AP1S3: variants seen among roughly 807,000 people sequenced by gnomAD.
AP1S3 encodes the protein AP-1 complex subunit sigma-3.
AP1S3 carries 10 observed loss-of-function variants against 20.9 expected under a neutral mutation model. The ratio of observed to expected loss-of-function variants is 0.48; its 90% CI spans 0.29 to 0.81. The LOEUF (loss-of-function observed/expected upper bound fraction) is 0.81. Among genes scored for constraint, AP1S3 ranks in the 30% least tolerant of loss-of-function variants. The probability of loss-of-function intolerance (pLI) is 0.08; values close to 1 mark genes in which losing one functional copy is unlikely to be tolerated. For missense variants in AP1S3, 154 were observed against 183.8 expected (o/e 0.84, Z 0.94); for synonymous variants, 41 against 61.5 (o/e 0.67, Z 1.56).
intron 1 of AP1S3, among the ~76,000 whole-genome samples, chr2:223,826,503 G>A (rs1215904399): frequency 6.6e-6 from 1 of 152,132 alleles, no homozygotes; most frequent in Non-Finnish European, 1.5e-5. Flanking sequence ...TGAGGCATGA[G>A]AATCGCTTGA....
At chr2:223,767,818 A>G (rs996129736) in intron 3 of AP1S3, among the ~76,000 whole-genome samples, 6 of 152,104 alleles carry the variant, frequency 3.9e-5, no homozygotes, top group Admixed American at 3.3e-4. Flanking sequence ...AATTCATTCT[A>G]GAGTTCAACC....
At chr2:223,783,506 C>T (rs1026342790) in intron 1 of AP1S3, among the ~76,000 whole-genome samples, 3 of 152,204 alleles carry the variant, frequency 2.0e-5, no homozygotes, top group Non-Finnish European at 2.9e-5. Context: ...CTTCTATGGG[C>T]GTTTTCTAAT....
At chr2:223,826,642 A>AAT (rs1692135743) in intron 1 of AP1S3, among the ~76,000 whole-genome samples, 2 of 152,034 alleles carry the variant, frequency 1.3e-5, no homozygotes, top group South Asian at 4.2e-4. Context: ...TTCATATTTC[A>AAT]TAGAGATGCT....
intron 1 of AP1S3, among the ~76,000 whole-genome samples, chr2:223,812,349 G>A (rs1013604937): frequency 1.5e-4 from 23 of 152,178 alleles, no homozygotes; most frequent in African/African-American, 5.3e-4. Flanking sequence ...AGCCTCCCGA[G>A]TAGCTGGGAT....
chr2:223,816,340 GA>G (rs72262557), intron 1 of AP1S3, among the ~76,000 whole-genome samples: 27,678 of 147,824 alleles, frequency 0.19, 3,238 homozygotes, highest in East Asian at 0.42. Context: ...CCATGCTTCT[GA>G]AAAAAAAAAA....
chr2:223,802,999 A>T (rs1271659938), intron 1 of AP1S3, among the ~76,000 whole-genome samples: 3 of 152,234 alleles, frequency 2.0e-5, no homozygotes, highest in African/African-American at 7.2e-5. Context: ...ATTTCTAGCA[A>T]TGAAAATTTC....
At chr2:223,769,846 G>A (rs1330028973) in intron 3 of AP1S3, among the ~76,000 whole-genome samples, 1 of 138,846 alleles carries the variant, frequency 7.2e-6, no homozygotes, top group African/African-American at 2.7e-5. Context: ...CGGGGTTCAC[G>A]CCATTCTCCT....
intron 4 of AP1S3, among the ~76,000 whole-genome samples, chr2:223,763,229 C>T (rs889162410): frequency 6.6e-6 from 1 of 152,180 alleles, no homozygotes; most frequent in African/African-American, 2.4e-5. Context: ...CCATCAAGCC[C>T]CTCCACTCAT....
At chr2:223,807,932 G>A (rs1384406866) in intron 1 of AP1S3, among the ~76,000 whole-genome samples, 1 of 130,998 alleles carries the variant, frequency 7.6e-6, no homozygotes, top group Non-Finnish European at 1.6e-5. Flanking sequence ...CAGTGACAGA[G>A]GTGTGATCAT....
chr2:223,757,860 T>A lies in AP1S3; in HGVS notation c.*855A>T. The A allele has an allele frequency of 1.0e-6, 1 of 985,186 alleles. No individual in the cohort carries two copies. Among genetic ancestry groups the A allele is most frequent in the Non-Finnish European group, 1.2e-6 (1 of 829,718 alleles). The allele number at this position is 985,186 out of a possible 1,614,324, so 61.0% of individuals were successfully genotyped here. A position where few individuals can be genotyped will look rare whatever the true frequency, so the allele number is the denominator to read the frequency against. Reference sequence around the variant, plus strand: ...CATATTTGAAATGAAATTTCCAGCATCTAAGAGTGCTTGGAACGTGAATTT... The same window carrying A: ...CATATTTGAAATGAAATTTCCAGCAACTAAGAGTGCTTGGAACGTGAATTT... On this transcript the variant is annotated 3_prime_UTR_variant, in exon 5 of 5. Coordinates refer to ENST00000396654, the MANE Select transcript of AP1S3 (RefSeq NM_001039569.2).
chr2:223,787,099 T>C (rs941396648), intron 1 of AP1S3, among the ~76,000 whole-genome samples: 1 of 152,122 alleles, frequency 6.6e-6, no homozygotes, highest in African/African-American at 2.4e-5. Context: ...TGAGTTATTG[T>C]GAGATCTGGT....
intron 1 of AP1S3, among the ~76,000 whole-genome samples, chr2:223,788,469 T>C (rs187642540): frequency 1.8e-4 from 27 of 150,824 alleles, no homozygotes; most frequent in African/African-American, 5.3e-4. Context: ...AAAAATTAGC[T>C]GGGGCTGGGC....
At chr2:223,830,648 TCTC>T (rs1044944721) in intron 1 of AP1S3, among the ~76,000 whole-genome samples, 1 of 152,090 alleles carries the variant, frequency 6.6e-6, no homozygotes, top group African/African-American at 2.4e-5. Context: ...TGGAAGGAAG[TCTC>T]CTGTAGCATT....
intron 4 of AP1S3, among the ~76,000 whole-genome samples, chr2:223,759,217 T>C (rs189290137): frequency 3.8e-4 from 57 of 151,376 alleles, no homozygotes; most frequent in African/African-American, 1.3e-3. Context: ...AGGCGGAGGT[T>C]GAAGTGAGCC....
chr2:223,814,855 C>A (rs1035025311), intron 1 of AP1S3, among the ~76,000 whole-genome samples: 3 of 152,322 alleles, frequency 2.0e-5, no homozygotes, highest in African/African-American at 7.2e-5. Context: ...CAGCTCACTG[C>A]AGCCTCAACC....
At chr2:223,822,291 C>G (rs1048248303) in intron 1 of AP1S3, among the ~76,000 whole-genome samples, 1 of 152,004 alleles carries the variant, frequency 6.6e-6, no homozygotes, top group Non-Finnish European at 1.5e-5. Flanking sequence ...ACTCGGGAGG[C>G]TGAGACAAGA....
intron 3 of AP1S3, among the ~76,000 whole-genome samples, chr2:223,773,902 C>T (rs979308407): frequency 1.3e-5 from 2 of 152,186 alleles, no homozygotes; most frequent in Non-Finnish European, 2.9e-5. Context: ...GGAACATTTG[C>T]TATCAAGTCT....
intron 1 of AP1S3, among the ~76,000 whole-genome samples, chr2:223,820,283 C>T (rs1417822388): frequency 3.3e-5 from 5 of 152,046 alleles, no homozygotes; most frequent in African/African-American, 1.2e-4. Flanking sequence ...AGGTCCATTA[C>T]GTTTTAAAAT....
chr2:223,764,820 A>G (rs942787048), intron 4 of AP1S3, among the ~76,000 whole-genome samples: 3 of 152,228 alleles, frequency 2.0e-5, no homozygotes, highest in African/African-American at 7.2e-5. Flanking sequence ...AATAGCACTA[A>G]GTATTTGATA....
Sources: gnomAD v4.1 joint callset for allele counts (sites outside exome capture counted in the v4.1 genomes callset) on GRCh38, gnomAD v4.1.1 for gene constraint, MANE v1.5 for transcripts, NCBI Gene and HGNC (gene_info 2026-07-23, HGNC 2026-07-21) for gene names.